The following ST3GAL1 variants were observed in gnomAD, a reference collection of about 807,000 sequenced individuals.
ST3GAL1 encodes the protein ST3 beta-galactoside alpha-2,3-sialyltransferase 1, also known as CMP-N-acetylneuraminate-beta-galactosamide-alpha-2,3-sialyltransferase 1.
In ST3GAL1, 16 loss-of-function variants were observed where a neutral mutation model predicts 34.1. That is an observed-to-expected ratio of 0.47 (90% CI 0.32 to 0.71). ST3GAL1 has a LOEUF of 0.71. ST3GAL1 is among the 30% of genes least tolerant of loss of function. The probability of loss-of-function intolerance (pLI) is 0.04; values close to 1 mark genes in which losing one functional copy is unlikely to be tolerated. For missense variants in ST3GAL1, 353 were observed against 447.4 expected (o/e 0.79, Z 1.90); for synonymous variants, 191 against 184.7 (o/e 1.03, Z -0.28).
chr8:133,542,616 A>G (rs1563735341), intron 2 of ST3GAL1, among the ~76,000 whole-genome samples: 2 of 152,104 alleles, frequency 1.3e-5, no homozygotes, highest in Non-Finnish European at 2.9e-5. Context: ...CTCTACTAAA[A>G]GTACAAAAAT....
At chr8:133,506,461 C>A (rs1330323789) in intron 2 of ST3GAL1, among the ~76,000 whole-genome samples, 1 of 152,116 alleles carries the variant, frequency 6.6e-6, no homozygotes, top group Non-Finnish European at 1.5e-5. Flanking sequence ...TGATGGGCAA[C>A]CTTGAAAGAT....
chr8:133,550,305 T>G (rs761660742), intron 1 of ST3GAL1, among the ~76,000 whole-genome samples: 13 of 152,170 alleles, frequency 8.5e-5, no homozygotes, highest in Admixed American at 2.6e-4. Context: ...GAGCAACAAC[T>G]AAACTCTTAC....
chr8:133,475,262 G>T (rs1224229617), intron 5 of ST3GAL1, among the ~76,000 whole-genome samples: 1 of 152,252 alleles, frequency 6.6e-6, no homozygotes, highest in African/African-American at 2.4e-5. Flanking sequence ...GCTGGCAGGA[G>T]CCAGGAGCGG....
At chr8:133,468,224 C>G (rs542799633) in intron 5 of ST3GAL1, among the ~76,000 whole-genome samples, 10 of 152,052 alleles carry the variant, frequency 6.6e-5, no homozygotes, top group African/African-American at 2.4e-4. Context: ...CAGTCTCCAG[C>G]GATGGATGAA....
At chr8:133,462,112 C>T (rs1193521329) in intron 8 of ST3GAL1, 118 bp from the exon 9 acceptor site, 5 of 1,449,576 alleles carry the variant, frequency 3.4e-6, no homozygotes, top group East Asian at 4.7e-5. Context: ...CTAATAGATA[C>T]GCCTGCACTT....
At chr8:133,471,469 T>G (rs1389349984) in intron 5 of ST3GAL1, among the ~76,000 whole-genome samples, 2 of 152,222 alleles carry the variant, frequency 1.3e-5, no homozygotes, top group Non-Finnish European at 2.9e-5. Flanking sequence ...GCTGATAACC[T>G]GATAGGCAGC....
chr8:133,516,236 G>A (rs1419056323), intron 2 of ST3GAL1: 1 of 152,060 alleles, frequency 6.6e-6, no homozygotes, highest in Non-Finnish European at 1.5e-5. Flanking sequence ...TATTTATTAT[G>A]AGCACTCTCC....
intron 1 of ST3GAL1, among the ~76,000 whole-genome samples, chr8:133,565,151 C>CTCTGTG (rs1554621404): frequency 2.2e-5 from 3 of 139,308 alleles, no homozygotes; most frequent in Non-Finnish European, 4.6e-5. Context: ...CTCTGTGTGC[C>CTCTGTG]TGTGTGTGTG....
intron 7 of ST3GAL1, among the ~76,000 whole-genome samples, chr8:133,463,724 T>C (rs1815612263): frequency 6.6e-6 from 1 of 152,166 alleles, no homozygotes; most frequent in Non-Finnish European, 1.5e-5. Context: ...TGAGGAGGAC[T>C]TGCTCCAAGC....
rs1563734074 is a variant in ST3GAL1 at position 133,540,852 on chromosome 8, G to GACATATATAT, written c.-429+4921_-429+4922insATATATATGT. ...ATATATATAGAGAGACATATATATA[G>GACATATATAT]AGACATATATATAGAGACATATATA... On this transcript the variant is annotated intron_variant, in intron 2 of 9. Transcript: ENST00000522652. Among the ~76,000 whole-genome samples, 28 of 74,152 alleles carry GACATATATAT rather than the reference G, an allele frequency of 3.8e-4. 1 individual carries two copies. The highest frequency in any genetic ancestry group is 4.3e-4 in the Non-Finnish European group (16 of 37,418). The allele number at this position is 74,152 out of a possible 152,430, so 48.6% of individuals were successfully genotyped here. A position where few individuals can be genotyped will look rare whatever the true frequency, so the allele number is the denominator to read the frequency against.
chr8:133,483,812 C>T (rs989221991), intron 3 of ST3GAL1, among the ~76,000 whole-genome samples: 3 of 152,138 alleles, frequency 2.0e-5, no homozygotes, highest in Admixed American at 6.5e-5. Context: ...GGCAGCTGGT[C>T]CCAGAGGCTT....
At position 133,532,493 on chromosome 8, in the gene ST3GAL1, G is replaced by T. The variant is rs574099118; in HGVS notation, c.-429+13281C>A. On this transcript the variant is annotated intron_variant, in intron 2 of 9. Coordinates refer to ENST00000522652, the MANE Select transcript of ST3GAL1 (RefSeq NM_173344.3). Reference sequence around the variant, plus strand: ...AAGTCATTTATGTTACCATATGATAGATTCTTTATTGTGATTTTTCAAATG... The same window carrying T: ...AAGTCATTTATGTTACCATATGATATATTCTTTATTGTGATTTTTCAAATG... Among the ~76,000 whole-genome samples the T allele has an allele frequency of 2.2e-3, 338 of 152,142 alleles. 2 individuals carry two copies. The highest frequency in any genetic ancestry group is 7.9e-3 in the African/African-American group (329 of 41,484).
At chr8:133,534,615 G>A (rs1241865286) in intron 2 of ST3GAL1, among the ~76,000 whole-genome samples, 2 of 152,240 alleles carry the variant, frequency 1.3e-5, no homozygotes, top group Non-Finnish European at 2.9e-5. Context: ...CAAAGTGAAA[G>A]GACCAGGAGC....
intron 2 of ST3GAL1, among the ~76,000 whole-genome samples, chr8:133,505,371 A>G (rs78257720): frequency 0.062 from 9,488 of 152,256 alleles, 373 homozygotes; most frequent in Middle Eastern, 0.099. Flanking sequence ...TTCCTCATCT[A>G]TGAAGCAAGC....
Position 133,459,813 on chromosome 8 carries a change from G to T in ST3GAL1, c.974C>A (p.Thr325Lys). The change falls in exon 10 of 10, where the codon ACG (threonine) becomes AAG (lysine). Residue 325 changes from threonine (T) to lysine (K), a missense_variant. By Grantham distance (78) the Thr-to-Lys change is moderately conservative. Transcript: ENST00000522652. This position sits in a 1 kb window ranked among gnomAD's most constrained non-coding sequence, Gnocchi z 4.7. Reference sequence around the variant, plus strand: ...TTTATTGATGGAGGCCAAGGTGGCCGTCACGTTAGACTCAAAGTCTGCATC... The same window carrying T: ...TTTATTGATGGAGGCCAAGGTGGCCTTCACGTTAGACTCAAAGTCTGCATC... Reference protein sequence around the residue: ...VHDADFESNVTATLASINKIR... With the variant: ...VHDADFESNVKATLASINKIR... 1 of 1,613,724 alleles carries T rather than the reference G, an allele frequency of 6.2e-7. No homozygotes were observed. Among genetic ancestry groups the T allele is most frequent in the Non-Finnish European group, 8.5e-7 (1 of 1,179,800 alleles).
At position 133,570,206 on chromosome 8, in the gene ST3GAL1, G is replaced by C. The variant is rs1221431907; in HGVS notation, c.-582+1487C>G. On this transcript the variant is annotated intron_variant, in intron 1 of 9. Transcript: ENST00000522652. The surrounding 1 kb of genome is among the most constrained non-coding windows in gnomAD (Gnocchi z 5.6). ...CGCAGAGCGGGGGTGGGCGCTCGCTGTCTCCCTGGAGAACCAGCTCGTCGC... is the reference window on the plus strand; with the variant it reads ...CGCAGAGCGGGGGTGGGCGCTCGCTCTCTCCCTGGAGAACCAGCTCGTCGC... 1 of 152,304 alleles carries C rather than the reference G, an allele frequency of 6.6e-6. No homozygotes were observed. 9.4% of individuals were successfully genotyped at this position (152,304 alleles called of 1,614,324 possible).
At chr8:133,532,846 C>T (rs962832927) in intron 2 of ST3GAL1, among the ~76,000 whole-genome samples, 1 of 152,176 alleles carries the variant, frequency 6.6e-6, no homozygotes, top group Non-Finnish European at 1.5e-5. Flanking sequence ...GGGACAGCCA[C>T]ATGCTCCTCC....
chr8:133,531,485 G>A (rs552511497), intron 2 of ST3GAL1, among the ~76,000 whole-genome samples: 6 of 152,260 alleles, frequency 3.9e-5, no homozygotes, highest in African/African-American at 7.2e-5. Flanking sequence ...AGGAAGTGAG[G>A]TGCAGGGAAG....
intron 1 of ST3GAL1, among the ~76,000 whole-genome samples, chr8:133,561,233 C>T (rs1819213432): frequency 6.6e-6 from 1 of 151,210 alleles, no homozygotes; most frequent in South Asian, 2.1e-4. Context: ...TGTTGCTTGA[C>T]TTTGACTCCA....
Sources: allele counts gnomAD v4.1 joint callset (sites outside exome capture counted in the v4.1 genomes callset), GRCh38; gene constraint gnomAD v4.1.1; non-coding constraint Gnocchi (gnomAD v3.1); transcripts MANE v1.5; gene names NCBI Gene and HGNC (gene_info 2026-07-23, HGNC 2026-07-21).